The following ADD1 variants were observed in gnomAD, a reference collection of about 807,000 sequenced individuals.
ADD1 encodes adducin 1.
Under a neutral mutation model 80.5 loss-of-function variants are expected in ADD1, and 24 were observed. That is an observed-to-expected ratio of 0.30 (90% CI 0.22 to 0.42). The LOEUF is 0.42. Among genes scored for constraint, ADD1 ranks in the 10% least tolerant of loss-of-function variants. The pLI, the probability that ADD1 is intolerant of heterozygous loss-of-function variation, is 1.00. For missense variants in ADD1, 948 were observed against 1,019.0 expected (o/e 0.93, Z 0.95); for synonymous variants, 373 against 393.8 (o/e 0.95, Z 0.63).
At chr4:2,912,085 TA>T (rs1738173085) in intron 13 of ADD1, among the ~76,000 whole-genome samples, 2 of 152,232 alleles carry the variant, frequency 1.3e-5, no homozygotes, top group Non-Finnish European at 2.9e-5. Context: ...GGTCAGCCGC[TA>T]GTGCAGGTTG....
chr4:2,918,413 G>T (rs1945368469), intron 14 of ADD1, among the ~76,000 whole-genome samples: 1 of 152,202 alleles, frequency 6.6e-6, no homozygotes, highest in Non-Finnish European at 1.5e-5. Flanking sequence ...GAGATTTTGG[G>T]CTGAGATGAT....
rs1427406419 is a variant in ADD1, at chr4:2,928,319, CACTGAGGCCCCT to C, written c.2206_2217del (p.Pro736_Ala739del). On this transcript the variant is annotated inframe_deletion, in exon 16 of 16. Transcript: ENST00000683351. ...AGGAAGCCCATAGACCCCCAAGCCC[CACTGAGGCCCCT>C]ACTGAGGCCAGCCCCGAGCCAGCCC... 5.0e-6 allele frequency: 8 copies of C among 1,614,046 alleles called. No individual in the cohort carries two copies. The highest frequency in any genetic ancestry group is 1.7e-5 in the Admixed American group (1 of 60,016).
chr4:2,891,110 C>T (rs533350954), intron 4 of ADD1, among the ~76,000 whole-genome samples: 385 of 150,280 alleles, frequency 2.6e-3, no homozygotes, highest in Admixed American at 6.0e-3. Flanking sequence ...CATAGTGAAA[C>T]CCTGTCTCTA....
chr4:2,860,638 G>T (rs2108823065), intron 1 of ADD1, among the ~76,000 whole-genome samples: 1 of 152,340 alleles, frequency 6.6e-6, no homozygotes, highest in Middle Eastern at 3.4e-3. Context: ...AGTAGTGAAT[G>T]AGACAGACCA....
intron 1 of ADD1, among the ~76,000 whole-genome samples, chr4:2,854,213 A>G (rs189150110): frequency 1.3e-5 from 2 of 152,178 alleles, no homozygotes; most frequent in East Asian, 1.9e-4. Flanking sequence ...AATACCAGCT[A>G]CTCAGGAGGC....
At chr4:2,865,657 A>T (rs932956273) in intron 1 of ADD1, among the ~76,000 whole-genome samples, 1 of 152,158 alleles carries the variant, frequency 6.6e-6, no homozygotes, top group African/African-American at 2.4e-5. Flanking sequence ...TCCCTTATCT[A>T]CAATCCTGCC....
Position 2,853,893 on chromosome 4 carries a change from C to G in ADD1, c.-21+9869C>G, listed in dbSNP as rs543605123. Among the ~76,000 whole-genome samples, 3 of 152,240 alleles carry G rather than the reference C, an allele frequency of 2.0e-5. No individual in the cohort carries two copies. The South Asian group carries it at 6.2e-4, about 32-fold the overall frequency. The stretch of plus-strand genomic sequence containing the variant: ...TGCTGGGATTAAAGGCGTGAGCGAC[C>G]GCGTCTGGCCGTTATTATGTTTTAA... On this transcript the variant is annotated intron_variant, in intron 1 of 15. Coordinates refer to ENST00000683351, the MANE Select transcript of ADD1 (RefSeq NM_001354761.2).
chr4:2,926,245 C>A lies in ADD1; in HGVS notation c.2047+133C>A. ...TTGCATCAGCGCCAGGACGTGACAC[C>A]TTTCTCCTCCTATATTGCTTCTGTC... is the stretch of plus-strand genomic sequence containing the variant. On this transcript the variant is annotated intron_variant, in intron 15 of 15. Coordinates refer to ENST00000683351, the MANE Select transcript of ADD1 (RefSeq NM_001354761.2). This position sits in a 1 kb window ranked among gnomAD's most constrained non-coding sequence, Gnocchi z 5.0. The A allele has an allele frequency of 1.3e-6, 1 of 797,878 alleles. No homozygotes were observed. The highest frequency in any genetic ancestry group is 2.2e-6 in the Non-Finnish European group (1 of 459,742). 49.4% of individuals were successfully genotyped at this position (797,878 alleles called of 1,614,324 possible).
intron 4 of ADD1, among the ~76,000 whole-genome samples, chr4:2,893,282 A>G (rs13146376): frequency 7.1e-6 from 1 of 141,246 alleles, no homozygotes; most frequent in African/African-American, 2.7e-5. Flanking sequence ...TGCAGCAAGG[A>G]AAAAAAAAAA....
At chr4:2,852,140 T>C (rs1488129459) in intron 1 of ADD1, among the ~76,000 whole-genome samples, 1 of 71,250 alleles carries the variant, frequency 1.4e-5, no homozygotes, top group Admixed American at 1.4e-4. Flanking sequence ...CCGGCCTCTT[T>C]TCTTTCTTTC....
chr4:2,904,599 G>A (rs1736728463), intron 9 of ADD1, 165 bp from the exon 10 acceptor site: 3 of 658,046 alleles, frequency 4.6e-6, no homozygotes, highest in Non-Finnish European at 7.8e-6. Flanking sequence ...CTGGTTTTTG[G>A]TGAACACATT....
At chr4:2,868,034 G>A (rs1038159510) in intron 1 of ADD1, 2 of 152,202 alleles carry the variant, frequency 1.3e-5, no homozygotes, top group Non-Finnish European at 2.9e-5. Context: ...GAAATGATCC[G>A]ATCAGAGTAA....
rs903496588 is a variant in ADD1, at chr4:2,899,351, G to C, written c.1077G>C (p.Pro359=). The C allele has an allele frequency of 3.7e-6, 6 of 1,614,184 alleles. No homozygotes were observed. The highest frequency in any genetic ancestry group is 5.1e-6 in the Non-Finnish European group (6 of 1,180,018). The stretch of plus-strand genomic sequence containing the variant: ...CCAAGTCCCGTTCCCCAGGGTCTCC[G>C]GTAGGGGAAGGCACTGGATCGCCTC... ...YKAKSRSPGS[P]VGEGTGSPPK... is the part of the protein sequence containing the mutation. Residue 359 remains proline (P), a synonymous_variant, in exon 9 of 16, where the codon CCG becomes CCC. Coordinates refer to ENST00000683351, the MANE Select transcript of ADD1 (RefSeq NM_001354761.2).
Position 2,875,413 on chromosome 4 carries a change from G to A in ADD1, c.-20-483G>A, listed in dbSNP as rs189684811. The stretch of plus-strand genomic sequence containing the variant: ...GAACATTTACCATTTTGTGAGTTAT[G>A]TGTGAGTGGCTTCTCTTCTGTTGAT... On this transcript the variant is annotated intron_variant, in intron 1 of 15. Transcript: ENST00000683351. Among the ~76,000 whole-genome samples, 167 of 152,266 alleles carry A rather than the reference G, an allele frequency of 1.1e-3. 1 individual carries two copies. The highest frequency in any genetic ancestry group is 3.6e-3 in the Admixed American group (55 of 15,292).
chr4:2,875,962 C>T lies in ADD1; in HGVS notation c.47C>T (p.Thr16Ile). 6.2e-7 allele frequency: 1 copy of T among 1,613,788 alleles called. No homozygotes were observed. The highest frequency in any genetic ancestry group is 8.5e-7 in the Non-Finnish European group (1 of 1,179,842). Residue 16 changes from threonine to isoleucine, a missense_variant, in exon 2 of 16, where the codon ACC (threonine) becomes ATC (isoleucine). Thr to Ile is a moderately conservative substitution (Grantham distance 89, BLOSUM62 -1). Transcript: ENST00000683351. Reference sequence around the variant, plus strand: ...GCGGTGGTGACCTCACCACCCCCGACCACAGCCCCTCACAAGGAGAGGTAC... The same window carrying T: ...GCGGTGGTGACCTCACCACCCCCGATCACAGCCCCTCACAAGGAGAGGTAC... ...RAAVVTSPPP[T>I]TAPHKERYFD...
At chr4:2,916,236 G>A (rs1243118387) in intron 14 of ADD1, among the ~76,000 whole-genome samples, 1 of 150,182 alleles carries the variant, frequency 6.7e-6, no homozygotes, top group Non-Finnish European at 1.5e-5. Flanking sequence ...TTGCTCTGTC[G>A]CCAGGCTGGA....
intron 1 of ADD1, among the ~76,000 whole-genome samples, chr4:2,853,959 C>G (rs1411029415): frequency 6.6e-6 from 1 of 152,064 alleles, no homozygotes; most frequent in Non-Finnish European, 1.5e-5. Flanking sequence ...GCTGCTGATT[C>G]CCTGGAATTT....
Position 2,927,912 on chromosome 4 carries a change from CCTGGGACGG to C in ADD1, c.2048-258_2048-250del, listed in dbSNP as rs573083014. Among the ~76,000 whole-genome samples, 11 of 152,230 alleles carry C rather than the reference CCTGGGACGG, an allele frequency of 7.2e-5. No individual in the cohort carries two copies. The South Asian group carries it at 1.9e-3, about 26-fold the overall frequency. ...TGTCTTTCCGGCGGGGGGACCCAGG[CCTGGGACGG>C]AGTCTGGTGTTGTCAGCACACTGCC... is the stretch of plus-strand genomic sequence containing the variant. On this transcript the variant is annotated intron_variant, in intron 15 of 15. Coordinates refer to ENST00000683351, the MANE Select transcript of ADD1 (RefSeq NM_001354761.2).
chr4:2,885,406 A>G (rs935279874), intron 4 of ADD1, among the ~76,000 whole-genome samples: 4 of 151,860 alleles, frequency 2.6e-5, no homozygotes, highest in Non-Finnish European at 5.9e-5. Context: ...CTCTCTTACA[A>G]CCTTACTAAT....
Sources: allele counts gnomAD v4.1 joint callset (sites outside exome capture counted in the v4.1 genomes callset), GRCh38; gene constraint gnomAD v4.1.1; non-coding constraint Gnocchi (gnomAD v3.1); transcripts MANE v1.5; gene names NCBI Gene and HGNC (gene_info 2026-07-23, HGNC 2026-07-21).